Variants in CELF2 observed in about 807,000 individuals in gnomAD.
CELF2 encodes CUG triplet repeat RNA-binding protein 2.
In CELF2, 8 loss-of-function variants were observed where a neutral mutation model predicts 62.6. The ratio of observed to expected loss-of-function variants is 0.13; its 90% CI spans 0.07 to 0.23. CELF2 has a LOEUF of 0.23. Among genes scored for constraint, CELF2 ranks in the 10% least tolerant of loss-of-function variants. The probability of loss-of-function intolerance (pLI) is 1.00; values close to 1 mark genes in which losing one functional copy is unlikely to be tolerated. For synonymous variants in CELF2, 258 were observed against 250.0 expected, an observed-to-expected ratio of 1.03 and a Z score of -0.30; for missense variants, 333 against 671.0, an observed-to-expected ratio of 0.50 and a Z score of 5.56.
the CELF2 span, among the ~76,000 whole-genome samples, chr10:10,695,825 A>C: frequency 1.3e-5 from 2 of 151,540 alleles, no homozygotes; most frequent in African/African-American, 4.8e-5. Context: ...TGCATTCTTC[A>C]CGTAGTTCTC....
In CELF2 at chr10:11,165,814, C is replaced by A; in HGVS notation, c.271+132C>A. On this transcript the variant is annotated intron_variant, in intron 2 of 12. Transcript: ENST00000633077. The surrounding 1 kb of genome is among the most constrained non-coding windows in gnomAD (Gnocchi z 7.4). ...GCTGGAAGCAGCCGGTGCTGGCGGC[C>A]CCTGTGCTCCAGGGGCTGCTCCCGA... The A allele has an allele frequency of 1.2e-6, 1 of 837,558 alleles. No homozygotes were observed. Among genetic ancestry groups the A allele is most frequent in the Non-Finnish European group, 1.8e-6 (1 of 556,978 alleles). The allele number at this position is 837,558 out of a possible 1,614,324, so 51.9% of individuals were successfully genotyped here.
At chr10:10,753,148 T>C in the CELF2 span, among the ~76,000 whole-genome samples, 1 of 152,202 alleles carries the variant, frequency 6.6e-6, no homozygotes, top group African/African-American at 2.4e-5. Context: ...ATGTTTGTTT[T>C]AGTTTGTGTG....
chr10:10,817,838 C>A (rs1032701572), intron 1 of CELF2, among the ~76,000 whole-genome samples: 1 of 152,196 alleles, frequency 6.6e-6, no homozygotes, highest in South Asian at 2.1e-4. Flanking sequence ...CTTTTGCTCC[C>A]TTACTACTAT....
the CELF2 span, among the ~76,000 whole-genome samples, chr10:10,507,589 G>T: frequency 6.6e-6 from 1 of 152,130 alleles, no homozygotes; most frequent in African/African-American, 2.4e-5. Context: ...AAGGTAGAAA[G>T]GGGAGACACA....
At chr10:10,642,147 G>C in the CELF2 span, among the ~76,000 whole-genome samples, 2 of 152,144 alleles carry the variant, frequency 1.3e-5, no homozygotes, top group African/African-American at 4.8e-5. Flanking sequence ...GAGCAGAGAG[G>C]TCCAAGTCCT....
intron 4 of CELF2, among the ~76,000 whole-genome samples, chr10:11,256,751 A>C (rs1428771822): frequency 6.6e-6 from 1 of 151,856 alleles, no homozygotes; most frequent in African/African-American, 2.4e-5. Context: ...TTTCGGGCCG[A>C]AAGTAGTTCA....
chr10:11,170,980 A>T (rs796472548), intron 2 of CELF2, among the ~76,000 whole-genome samples: 11 of 152,302 alleles, frequency 7.2e-5, no homozygotes, highest in African/African-American at 2.6e-4. Context: ...GGCATTTGAG[A>T]TTAGAAGGTA....
rs962347913 is a variant in CELF2 at position 11,177,864 on chromosome 10, C to T, written c.271+12182C>T. Among the ~76,000 whole-genome samples, 16 of 152,098 alleles carry T rather than the reference C, an allele frequency of 1.1e-4. No individual in the cohort carries two copies. Among genetic ancestry groups the T allele is most frequent in the African/African-American group, 3.4e-4 (14 of 41,414 alleles). ...CTCCCTAACCCCATGGTGGAGGCTG[C>T]GGAGAGTGTTGTAGGCAGTTGCAGT... On this transcript the variant is annotated intron_variant, in intron 2 of 12. Coordinates refer to ENST00000633077, the MANE Select transcript of CELF2 (RefSeq NM_001326342.2). The surrounding 1 kb of genome is among the most constrained non-coding windows in gnomAD (Gnocchi z 4.8).
the CELF2 span, chr10:10,786,506 GTTAA>G: frequency 6.6e-6 from 1 of 151,768 alleles, no homozygotes; most frequent in Non-Finnish European, 1.5e-5. Flanking sequence ...CCTAGAAAGG[GTTAA>G]TTCTTTTAAA....
chr10:10,904,739 C>T (rs1175990410), intron 1 of CELF2, among the ~76,000 whole-genome samples: 3 of 152,186 alleles, frequency 2.0e-5, no homozygotes, highest in Admixed American at 2.0e-4. Context: ...CCCCATACTC[C>T]TGAGAAATAC....
At chr10:11,179,659 T>G (rs1258543041) in intron 2 of CELF2, among the ~76,000 whole-genome samples, 1 of 152,200 alleles carries the variant, frequency 6.6e-6, no homozygotes, top group Non-Finnish European at 1.5e-5. Context: ...AGATGACTAC[T>G]GGGGCATGAT....
At chr10:11,116,234 A>T (rs17149546) in intron 1 of CELF2, among the ~76,000 whole-genome samples, 8,461 of 152,322 alleles carry the variant, frequency 0.056, 279 homozygotes, top group Middle Eastern at 0.065. Context: ...TGTAACTGTC[A>T]GTGAATGGCC....
chr10:10,585,787 C>T, the CELF2 span, among the ~76,000 whole-genome samples: 1 of 152,144 alleles, frequency 6.6e-6, no homozygotes, highest in Non-Finnish European at 1.5e-5. Context: ...CAATACATTT[C>T]AAGAGTATTA....
chr10:10,983,468 T>C lies in CELF2; in HGVS notation c.89+63469T>C, dbSNP rs913436505. On this transcript the variant is annotated intron_variant, in intron 2 of 13. Transcript: ENST00000636488. This position sits in a 1 kb window ranked among gnomAD's most constrained non-coding sequence, Gnocchi z 5.2. ...ATATATAACATGGTTCTAGTTCTTG[T>C]ACTGGACTCAATTCAGTCTGTAATT... Among the ~76,000 whole-genome samples the C allele has an allele frequency of 6.6e-6, 1 of 152,240 alleles. No individual in the cohort carries two copies. The highest frequency in any genetic ancestry group is 2.4e-5 in the African/African-American group (1 of 41,458).
chr10:11,277,486 C>T (rs1437060523), intron 8 of CELF2, among the ~76,000 whole-genome samples: 2 of 152,192 alleles, frequency 1.3e-5, no homozygotes, highest in Non-Finnish European at 2.9e-5. Flanking sequence ...GAGAGCATGG[C>T]CCCGTGGCTG....
the CELF2 span, among the ~76,000 whole-genome samples, chr10:10,762,152 C>G: frequency 2.3e-3 from 352 of 152,158 alleles, 1 homozygote; most frequent in Admixed American, 3.1e-3. Context: ...CTTATGCTTT[C>G]CAACATCAGA....
intron 2 of CELF2, among the ~76,000 whole-genome samples, chr10:10,940,541 A>T (rs1338909786): frequency 6.6e-6 from 1 of 152,212 alleles, no homozygotes; most frequent in South Asian, 2.1e-4. Flanking sequence ...TGTCACACAA[A>T]TGGCTTTGTT....
At chr10:10,800,789 G>A (rs115387292) in intron 1 of CELF2, among the ~76,000 whole-genome samples, 1,691 of 151,728 alleles carry the variant, frequency 0.011, 32 homozygotes, top group African/African-American at 0.039. Flanking sequence ...TTTAACTATC[G>A]AAAAATGGTA....
chr10:10,808,799 TA>T (rs745383490), intron 1 of CELF2, among the ~76,000 whole-genome samples: 6 of 152,274 alleles, frequency 3.9e-5, no homozygotes, highest in Non-Finnish European at 7.4e-5. Context: ...TACTAAAAAG[TA>T]GAGAAAAACC....
Sources: gnomAD v4.1 joint callset for allele counts (sites outside exome capture counted in the v4.1 genomes callset) on GRCh38, gnomAD v4.1.1 for gene constraint, Gnocchi (gnomAD v3.1) non-coding constraint, MANE v1.5 for transcripts, NCBI Gene and HGNC (gene_info 2026-07-23, HGNC 2026-07-21) for gene names.